Variants in CALU observed in about 807,000 individuals in gnomAD.
CALU encodes IEF SSP 9302.
Under a neutral mutation model 37.5 loss-of-function variants are expected in CALU, and 13 were observed. The ratio of observed to expected loss-of-function variants is 0.35; its 90% CI spans 0.23 to 0.55. CALU has a LOEUF of 0.55. CALU is among the 20% of genes least tolerant of loss of function. The pLI is 0.89. For missense variants in CALU, 282 were observed against 391.7 expected (o/e 0.72, Z 2.36); for synonymous variants, 114 against 133.8 (o/e 0.85, Z 1.02).
intron 1 of CALU, among the ~76,000 whole-genome samples, chr7:128,744,762 G>C (rs1445404576): frequency 1.3e-5 from 2 of 152,152 alleles, no homozygotes; most frequent in Non-Finnish European, 2.9e-5. Context: ...AAGACTGTGG[G>C]TAGTGGAGAC....
At position 128,773,257 on chromosome 7, in the gene CALU, A is replaced by G. The variant is rs1034297456; in HGVS notation, c.*4090A>G. 6.6e-6 allele frequency among the ~76,000 whole-genome samples: 1 copy of G among 152,266 alleles called. No individual in the cohort carries two copies. The highest frequency in any genetic ancestry group is 1.5e-5 in the Non-Finnish European group (1 of 68,048). On this transcript the variant is annotated 3_prime_UTR_variant, in exon 7 of 7. Coordinates refer to ENST00000249364, the MANE Select transcript of CALU (RefSeq NM_001219.5). ...TATTAAATGCAAGGACTGAAAATTG[A>G]GAGGAATCTGAGTTTTTATTTTTAT... is the stretch of plus-strand genomic sequence containing the variant.
At chr7:128,745,165 A>C (rs1333004653) in intron 1 of CALU, among the ~76,000 whole-genome samples, 2 of 152,176 alleles carry the variant, frequency 1.3e-5, no homozygotes, top group Non-Finnish European at 2.9e-5. Context: ...CCTAAAGATA[A>C]AGTCCCCTTA....
Position 128,759,041 on chromosome 7 carries a change from G to A in CALU, c.582+4G>A. The A allele has an allele frequency of 6.2e-7, 1 of 1,605,518 alleles. No homozygotes were observed. The highest frequency in any genetic ancestry group is 1.3e-5 in the African/African-American group (1 of 74,704). On this transcript the variant is annotated splice_donor_region_variant and intron_variant, in intron 4 of 6. Transcript: ENST00000249364. ...CATGAAAGATATAGTAGTACAGGTG[G>A]GTGAGATGAAGGATTCTGAACAGGG...
intron 2 of CALU, among the ~76,000 whole-genome samples, chr7:128,749,782 T>C (rs1034684741): frequency 2.6e-5 from 4 of 152,190 alleles, no homozygotes; most frequent in African/African-American, 7.2e-5. Context: ...AATAAAGATA[T>C]TTTGCTATGT....
chr7:128,772,983 T>C lies in CALU; in HGVS notation c.*3816T>C, dbSNP rs1485462569. ...CCCAGCTGGAAAGGACTGCCAATTC[T>C]CTTCTATCCAGGGAGGTTTCAAATT... is the stretch of plus-strand genomic sequence containing the variant. On this transcript the variant is annotated 3_prime_UTR_variant, in exon 7 of 7. Transcript: ENST00000249364. 3.9e-5 allele frequency among the ~76,000 whole-genome samples: 6 copies of C among 152,224 alleles called. No homozygotes were observed. The highest frequency in any genetic ancestry group is 1.4e-4 in the African/African-American group (6 of 41,456).
chr7:128,750,238 A>AG (rs1258937725), intron 2 of CALU, among the ~76,000 whole-genome samples: 1 of 81,722 alleles, frequency 1.2e-5, no homozygotes, highest in Admixed American at 1.2e-4. Context: ...AAAAAAAAAA[A>AG]AAGAAAATAG....
intron 1 of CALU, among the ~76,000 whole-genome samples, chr7:128,746,650 C>T (rs535051735): frequency 7.2e-5 from 11 of 152,056 alleles, no homozygotes; most frequent in South Asian, 2.1e-4. Flanking sequence ...GACAGTGTTT[C>T]GCTATCACCC....
rs1480136187 is a variant in CALU, at chr7:128,758,928, G to A, written c.473G>A (p.Arg158Gln). The A allele has an allele frequency of 5.0e-6, 8 of 1,613,692 alleles. No homozygotes were observed. The highest frequency in any genetic ancestry group is 2.2e-5 in the South Asian group (2 of 91,074). The change falls in exon 4 of 7, where the codon CGG becomes CAG. Residue 158 changes from arginine to glutamine, a missense_variant. Transcript: ENST00000249364. ...AAACAGATGATGGTTAGAGATGAGC[G>A]GAGGTTTAAAATGGCAGACAAGGAT... is the stretch of plus-strand genomic sequence containing the variant. ...NYKQMMVRDE[R>Q]RFKMADKDGD... is the part of the protein sequence containing the mutation.
intron 1 of CALU, among the ~76,000 whole-genome samples, chr7:128,740,519 C>A (rs1051861376): frequency 1.3e-5 from 2 of 151,586 alleles, no homozygotes; most frequent in East Asian, 3.9e-4. Context: ...TTTAATTAAC[C>A]AAATACCAAA....
chr7:128,749,098 A>G (rs946790458), intron 2 of CALU, among the ~76,000 whole-genome samples: 5 of 152,182 alleles, frequency 3.3e-5, no homozygotes, highest in African/African-American at 1.2e-4. Flanking sequence ...AGAACATAGC[A>G]TGGGGGGATT....
At chr7:128,756,876 G>A (rs1018888188) in intron 3 of CALU, among the ~76,000 whole-genome samples, 1 of 152,084 alleles carries the variant, frequency 6.6e-6, no homozygotes, top group African/African-American at 2.4e-5. Flanking sequence ...GGGAATTCGC[G>A]ACCAGCCAGG....
At chr7:128,764,256 T>G (rs1456660370) in intron 5 of CALU, among the ~76,000 whole-genome samples, 1 of 150,890 alleles carries the variant, frequency 6.6e-6, no homozygotes, top group Non-Finnish European at 1.5e-5. Context: ...GGCGCAACCC[T>G]GTCTCTACAA....
chr7:128,759,574 T>C (rs190321780), intron 4 of CALU, among the ~76,000 whole-genome samples: 3 of 152,338 alleles, frequency 2.0e-5, no homozygotes, highest in Admixed American at 1.3e-4. Context: ...GACTCAGTTA[T>C]TTTAGATTGA....
At chr7:128,763,179 T>C (rs1490352251) in intron 5 of CALU, among the ~76,000 whole-genome samples, 1 of 152,164 alleles carries the variant, frequency 6.6e-6, no homozygotes, top group Non-Finnish European at 1.5e-5. Context: ...TTAAAGATAA[T>C]GTCAACCCAA....
intron 3 of CALU, 114 bp from the exon 4 acceptor site, chr7:128,758,757 C>A: frequency 1.3e-6 from 1 of 741,898 alleles, no homozygotes; most frequent in Non-Finnish European, 2.3e-6. Flanking sequence ...CCTGTGTCAT[C>A]AATTATTTCT....
intron 1 of CALU, among the ~76,000 whole-genome samples, chr7:128,745,200 A>C (rs1800384033): frequency 6.6e-6 from 1 of 152,244 alleles, no homozygotes; most frequent in African/African-American, 2.4e-5. Flanking sequence ...CCTTTGTTGC[A>C]GTGACTCTTG....
intron 5 of CALU, among the ~76,000 whole-genome samples, chr7:128,761,011 G>A (rs1002640517): frequency 2.0e-5 from 3 of 152,142 alleles, no homozygotes; most frequent in Non-Finnish European, 4.4e-5. Context: ...AATAAATGAC[G>A]GGGAGTTGCT....
Position 128,741,896 on chromosome 7 carries a change from A to C in CALU, c.-12+2464A>C, listed in dbSNP as rs986486796. ...TTTTATTCTGTAGCCAGAAAAATTT[A>C]AAGTTTGTGCTGGGTTGCTTTGGTT... On this transcript the variant is annotated intron_variant, in intron 1 of 6. Transcript: ENST00000249364. Among the ~76,000 whole-genome samples, 9 of 152,378 alleles carry C rather than the reference A, an allele frequency of 5.9e-5. 1 individual carries two copies. In the South Asian group the frequency reaches 1.4e-3, roughly 25 times the overall value.
intron 3 of CALU, among the ~76,000 whole-genome samples, chr7:128,756,181 T>G (rs1028468835): frequency 2.6e-5 from 4 of 152,218 alleles, no homozygotes; most frequent in African/African-American, 9.7e-5. Context: ...TTGGAATTAA[T>G]GATAAATACA....
Sources: gnomAD v4.1 joint callset for allele counts (sites outside exome capture counted in the v4.1 genomes callset) on GRCh38, gnomAD v4.1.1 for gene constraint, MANE v1.5 for transcripts, NCBI Gene and HGNC (gene_info 2026-07-23, HGNC 2026-07-21) for gene names.